PITPNM2: variants seen among roughly 807,000 people sequenced by gnomAD.
PITPNM2 encodes phosphatidylinositol transfer protein membrane associated 2, also known as membrane-associated phosphatidylinositol transfer protein 2.
A neutral mutation model predicts 132.2 loss-of-function variants in PITPNM2; 35 were observed. The observed-to-expected ratio is 0.26, with a 90% confidence interval of 0.20 to 0.35. PITPNM2 has a LOEUF of 0.35. Among genes scored for constraint, PITPNM2 ranks in the 10% least tolerant of loss-of-function variants. The probability of loss-of-function intolerance (pLI) is 1.00; values close to 1 mark genes in which losing one functional copy is unlikely to be tolerated. For missense variants in PITPNM2, 1,332 were observed against 1,912.0 expected (o/e 0.70, Z 5.66); for synonymous variants, 738 against 799.2 (o/e 0.92, Z 1.29).
At chr12:123,055,430 C>T (rs1232928626) in intron 2 of PITPNM2, among the ~76,000 whole-genome samples, 1 of 152,200 alleles carries the variant, frequency 6.6e-6, no homozygotes, top group Non-Finnish European at 1.5e-5. Flanking sequence ...AAAGGCTTCT[C>T]CCGTCTAAGG....
At chr12:123,007,623 G>C (rs991538095) in intron 6 of PITPNM2, among the ~76,000 whole-genome samples, 15 of 152,134 alleles carry the variant, frequency 9.9e-5, no homozygotes, top group African/African-American at 3.4e-4. Context: ...ACCTCTCTGT[G>C]GGATGGAGTC....
chr12:123,012,024 C>T (rs988513286), intron 5 of PITPNM2, among the ~76,000 whole-genome samples: 1 of 152,196 alleles, frequency 6.6e-6, no homozygotes, highest in African/African-American at 2.4e-5. Context: ...GGGCCTTGTA[C>T]CCAGAGGCTG....
Position 123,077,150 on chromosome 12 carries a change from G to C in PITPNM2, c.-96+33235C>G, listed in dbSNP as rs1297211293. On this transcript the variant is annotated intron_variant, in intron 2 of 25. Coordinates refer to ENST00000320201, the MANE Select transcript of PITPNM2 (RefSeq NM_020845.3). This position sits in a 1 kb window ranked among gnomAD's most constrained non-coding sequence, Gnocchi z 4.8. ...TCCTGCCTGACCAAACTGTGCCGAG[G>C]GGCTGTCCCAAACAGATGGTGCTAT... is the stretch of plus-strand genomic sequence containing the variant. Among the ~76,000 whole-genome samples, 2 of 152,172 alleles carry C rather than the reference G, an allele frequency of 1.3e-5. No individual in the cohort carries two copies. Among genetic ancestry groups the C allele is most frequent in the Non-Finnish European group, 2.9e-5 (2 of 68,024 alleles).
At chr12:123,093,446 G>A (rs1184955528) in intron 2 of PITPNM2, among the ~76,000 whole-genome samples, 2 of 151,722 alleles carry the variant, frequency 1.3e-5, no homozygotes, top group Admixed American at 6.6e-5. Context: ...TCTCAATAGA[G>A]CTGTTATTTA....
intron 1 of PITPNM2, among the ~76,000 whole-genome samples, chr12:123,112,778 TCCGCCCA>T (rs1449861175): frequency 6.6e-6 from 1 of 152,134 alleles, no homozygotes; most frequent in Non-Finnish European, 1.5e-5. Context: ...GACCTCGTGA[TCCGCCCA>T]CCTCAGCCTC....
In PITPNM2 at chr12:123,078,237, G is replaced by C. The variant is rs1057176511; in HGVS notation, c.-96+32148C>G. Among the ~76,000 whole-genome samples the C allele has an allele frequency of 2.6e-5, 4 of 152,310 alleles. No homozygotes were observed. The highest frequency in any genetic ancestry group is 3.4e-3 in the Middle Eastern group (1 of 294). On this transcript the variant is annotated intron_variant, in intron 2 of 25. Coordinates refer to ENST00000320201, the MANE Select transcript of PITPNM2 (RefSeq NM_020845.3). The surrounding 1 kb of genome is among the most constrained non-coding windows in gnomAD (Gnocchi z 7.3). ...GGAGGAGCCATATGCCAGAGGGAAG[G>C]CATCAGCAGAGAGCCAATCCCACAG...
At position 122,994,800 on chromosome 12, in the gene PITPNM2, C is replaced by G; in HGVS notation, c.2233+1G>C. 6.2e-7 allele frequency: 1 copy of G among 1,608,572 alleles called. No individual in the cohort carries two copies. The highest frequency in any genetic ancestry group is 8.5e-7 in the Non-Finnish European group (1 of 1,179,054). ...CCATCCTGCCCCTGCTGGGCTCTCACCATCCAGGGCTGGGATGACAGTCTT... is the reference window on the plus strand; with the variant it reads ...CCATCCTGCCCCTGCTGGGCTCTCAGCATCCAGGGCTGGGATGACAGTCTT... On this transcript the variant is annotated splice_donor_variant, in intron 15 of 25. Transcript: ENST00000320201. LOFTEE classifies it high-confidence loss of function. The surrounding 1 kb of genome is among the most constrained non-coding windows in gnomAD (Gnocchi z 5.4).
At chr12:123,006,719 G>GTAA (rs10612599) in intron 6 of PITPNM2, among the ~76,000 whole-genome samples, 6,132 of 140,020 alleles carry the variant, frequency 0.044, 378 homozygotes, top group African/African-American at 0.14. Context: ...TCTCAAAATA[G>GTAA]TAATAATAAT....
At chr12:123,107,516 G>T (rs1012710991) in intron 2 of PITPNM2, among the ~76,000 whole-genome samples, 1 of 152,182 alleles carries the variant, frequency 6.6e-6, no homozygotes, top group African/African-American at 2.4e-5. Context: ...ACAGCAAGGA[G>T]CTTTTCTAAA....
intron 1 of PITPNM2, among the ~76,000 whole-genome samples, chr12:123,126,047 T>G (rs760571885): frequency 3.3e-5 from 5 of 151,000 alleles, no homozygotes; most frequent in African/African-American, 4.9e-5. Flanking sequence ...TTTTTTGTAT[T>G]TTTAGTAGAG....
intron 2 of PITPNM2, among the ~76,000 whole-genome samples, chr12:123,109,408 G>C (rs1485212191): frequency 6.6e-6 from 1 of 152,186 alleles, no homozygotes; most frequent in Admixed American, 6.5e-5. Context: ...GGGGGTGGGA[G>C]GGGAGAGACT....
rs1009916248 is a variant in PITPNM2 at position 123,111,848 on chromosome 12, C to A, written c.-199-1360G>T. 7.2e-5 allele frequency among the ~76,000 whole-genome samples: 11 copies of A among 152,260 alleles called. No individual in the cohort carries two copies. Among genetic ancestry groups the A allele is most frequent in the Admixed American group, 3.3e-4 (5 of 15,290 alleles). On this transcript the variant is annotated intron_variant, in intron 1 of 25. Transcript: ENST00000320201. The surrounding 1 kb of genome is among the most constrained non-coding windows in gnomAD (Gnocchi z 4.1). Reference sequence around the variant, plus strand: ...ACCATGAGCAAGCTGGCCTTCCAGCCTTGCCTCTACATGCCACCGTAGGCC... The same window carrying A: ...ACCATGAGCAAGCTGGCCTTCCAGCATTGCCTCTACATGCCACCGTAGGCC...
chr12:122,987,772 G>T lies in PITPNM2; in HGVS notation c.3114+13C>A, dbSNP rs202150231. On this transcript the variant is annotated intron_variant, in intron 21 of 25. Coordinates refer to ENST00000320201, the MANE Select transcript of PITPNM2 (RefSeq NM_020845.3). ...AAGTCCCTCCATGTTACCCCTACCC[G>T]CCGTGTCCTTACCTTCTCCCCAGTC... 5.6e-6 allele frequency: 9 copies of T among 1,613,662 alleles called. No individual in the cohort carries two copies. Among genetic ancestry groups the T allele is most frequent in the Admixed American group, 5.0e-5 (3 of 60,004 alleles).
chr12:123,146,561 T>G (rs1446036261), intron 1 of PITPNM2, among the ~76,000 whole-genome samples: 2 of 151,838 alleles, frequency 1.3e-5, no homozygotes, highest in Non-Finnish European at 2.9e-5. Context: ...ATCATTGCAC[T>G]GCAGCCTGGG....
chr12:122,988,286 G>A lies in PITPNM2; in HGVS notation c.2945C>T (p.Pro982Leu), dbSNP rs2038025590. 2 of 1,613,436 alleles carry A rather than the reference G, an allele frequency of 1.2e-6. No individual in the cohort carries two copies. The highest frequency in any genetic ancestry group is 1.7e-5 in the Admixed American group (1 of 60,016). Residue 982 changes from proline (P) to leucine (L), a missense_variant, in exon 20 of 26, where the codon CCC (proline) becomes CTC (leucine). Physicochemically the swap from Pro to Leu is moderately conservative, Grantham distance 98. This residue lies in a region of PITPNM2 where 251 missense variants were observed against 472.0 expected (regional missense o/e 0.53). Transcript: ENST00000320201. Reference protein sequence around the residue: ...LDGKEVSVFTPSKPREKWQRK... With the variant: ...LDGKEVSVFTLSKPREKWQRK... ...CTGCCACTTCTCCCTTGGCTTTGAG[G>A]GGGTGAACACCGACACTTCCTTGCC...
chr12:123,001,602 G>A (rs1413768868), intron 8 of PITPNM2, among the ~76,000 whole-genome samples: 1 of 152,218 alleles, frequency 6.6e-6, no homozygotes, highest in Non-Finnish European at 1.5e-5. Context: ...TCAGCATAGG[G>A]TTTCTGGGGC....
chr12:122,987,226 C>A, intron 23 of PITPNM2, 55 bp downstream of exon 23: 1 of 1,597,482 alleles, frequency 6.3e-7, no homozygotes, highest in Non-Finnish European at 8.5e-7. Context: ...CTGGTGGGAG[C>A]CCCTGAGCCC....
chr12:123,019,735 T>C (rs2039593609), intron 3 of PITPNM2, among the ~76,000 whole-genome samples: 1 of 152,336 alleles, frequency 6.6e-6, no homozygotes, highest in Middle Eastern at 3.4e-3. Flanking sequence ...AGAGATGTCA[T>C]TGTCCAGGCT....
At position 123,031,366 on chromosome 12, in the gene PITPNM2, G is replaced by A. The variant is rs1319845145; in HGVS notation, c.78+3147C>T. ...TGGAGCTCGGACTGGGGGCTGTGGA[G>A]GCCAGAACCCAGCGATGCATCCGCC... On this transcript the variant is annotated intron_variant, in intron 3 of 25. Transcript: ENST00000320201. The surrounding 1 kb of genome is among the most constrained non-coding windows in gnomAD (Gnocchi z 4.5). Among the ~76,000 whole-genome samples, 5 of 152,216 alleles carry A rather than the reference G, an allele frequency of 3.3e-5. No individual in the cohort carries two copies. The highest frequency in any genetic ancestry group is 7.3e-5 in the Non-Finnish European group (5 of 68,040).
Sources: gnomAD v4.1 joint callset for allele counts (sites outside exome capture counted in the v4.1 genomes callset) on GRCh38, gnomAD v4.1.1 for gene constraint, gnomAD v4.1.1 regional missense constraint, Gnocchi (gnomAD v3.1) non-coding constraint, MANE v1.5 for transcripts, NCBI Gene and HGNC (gene_info 2026-07-23, HGNC 2026-07-21) for gene names.